Variants in SOCS5 observed in about 807,000 individuals in gnomAD.
The protein encoded by SOCS5 is CIS-6.
SOCS5 carries 32 observed loss-of-function variants against 42.8 expected under a neutral mutation model. That is an observed-to-expected ratio of 0.75 (90% CI 0.56 to 1.01). The LOEUF is 1.01. Ranked by LOEUF, SOCS5 falls within the 50% of genes least tolerant of loss-of-function variation. The pLI, the probability that SOCS5 is intolerant of heterozygous loss-of-function variation, is 0.00. For missense variants in SOCS5, 627 were observed against 653.0 expected (o/e 0.96, Z 0.43); for synonymous variants, 283 against 229.6 (o/e 1.23, Z -2.10).
chr2:46,709,554 G>A (rs1004472890), intron 1 of SOCS5, among the ~76,000 whole-genome samples: 10 of 152,160 alleles, frequency 6.6e-5, no homozygotes, highest in African/African-American at 2.2e-4. Context: ...AACACTATTA[G>A]GAGTTGGGAA....
intron 1 of SOCS5, among the ~76,000 whole-genome samples, chr2:46,727,998 G>A (rs1288054018): frequency 6.6e-6 from 1 of 152,160 alleles, no homozygotes; most frequent in Non-Finnish European, 1.5e-5. Context: ...TTCTGGGATA[G>A]TGGAGGAATG....
intron 1 of SOCS5, among the ~76,000 whole-genome samples, chr2:46,708,880 CTTTTTTTTTT>C (rs145238668): frequency 1.6e-5 from 1 of 63,252 alleles, no homozygotes; most frequent in Non-Finnish European, 2.8e-5. Flanking sequence ...ATCCTGAAGC[CTTTTTTTTTT>C]TTTTTTTTTT....
chr2:46,700,090 G>T (rs1339527501), intron 1 of SOCS5, among the ~76,000 whole-genome samples: 1 of 152,182 alleles, frequency 6.6e-6, no homozygotes, highest in African/African-American at 2.4e-5. Context: ...TCTTTGATGT[G>T]GGGTTTGGGC....
chr2:46,742,381 C>T (rs1193973819), intron 1 of SOCS5, among the ~76,000 whole-genome samples: 1 of 135,652 alleles, frequency 7.4e-6, no homozygotes, highest in Non-Finnish European at 1.5e-5. Flanking sequence ...GGTCTGTAGA[C>T]GCACACCACT....
Position 46,760,777 on chromosome 2 carries a change from C to T in SOCS5, c.*636C>T, listed in dbSNP as rs930347120. 2 of 167,078 alleles carry T rather than the reference C, an allele frequency of 1.2e-5. No individual in the cohort carries two copies. The highest frequency in any genetic ancestry group is 4.1e-4 in the South Asian group (2 of 4,834). 10.3% of individuals were successfully genotyped at this position (167,078 alleles called of 1,614,324 possible). On this transcript the variant is annotated 3_prime_UTR_variant, in exon 2 of 2. Transcript: ENST00000394861. ...AGGCATTCTTAAAATTTCAGACTTACAAAGCTAGTAGTAGAATTTTATTGA... is the reference window on the plus strand; with the variant it reads ...AGGCATTCTTAAAATTTCAGACTTATAAAGCTAGTAGTAGAATTTTATTGA...
rs938634357 is a variant in SOCS5 at position 46,751,410 on chromosome 2, C to T, written c.-12-7109C>T. ...GACATAGTTTACTTAAAAAAAAATA[C>T]ACTTTATAAGAAATAAAAAGGAATG... On this transcript the variant is annotated intron_variant, in intron 1 of 1. Transcript: ENST00000394861. Among the ~76,000 whole-genome samples the T allele has an allele frequency of 2.9e-4, 44 of 151,738 alleles. 2 individuals are homozygous for T. The highest frequency in any genetic ancestry group is 2.9e-3 in the Admixed American group (44 of 15,226).
intron 1 of SOCS5, among the ~76,000 whole-genome samples, 199 bp from the exon 2 acceptor site, chr2:46,758,320 G>T (rs1673773116): frequency 6.6e-6 from 1 of 152,168 alleles, no homozygotes; most frequent in African/African-American, 2.4e-5. Flanking sequence ...CTTGAACAAG[G>T]TCAGTGCCTA....
At chr2:46,730,836 G>A (rs977666827) in intron 1 of SOCS5, among the ~76,000 whole-genome samples, 2 of 152,112 alleles carry the variant, frequency 1.3e-5, no homozygotes, top group African/African-American at 4.8e-5. Context: ...GGATTAGTAG[G>A]TATATTCAGA....
At chr2:46,722,227 G>A (rs532602203) in intron 1 of SOCS5, among the ~76,000 whole-genome samples, 1 of 152,030 alleles carries the variant, frequency 6.6e-6, no homozygotes, top group Non-Finnish European at 1.5e-5. Context: ...ATCTTTGTAA[G>A]TAATTTTTTA....
intron 1 of SOCS5, among the ~76,000 whole-genome samples, chr2:46,705,413 A>G (rs1202092969): frequency 2.0e-5 from 3 of 152,176 alleles, no homozygotes; most frequent in Admixed American, 1.3e-4. Context: ...TTTAGAATTG[A>G]TTGCTTGCTT....
At chr2:46,750,917 T>G (rs6730949) in intron 1 of SOCS5, among the ~76,000 whole-genome samples, 1 of 152,012 alleles carries the variant, frequency 6.6e-6, no homozygotes, top group African/African-American at 2.4e-5. Flanking sequence ...TCTTTTTATG[T>G]TCTCCAATAA....
chr2:46,752,935 T>C (rs564776038), intron 1 of SOCS5, among the ~76,000 whole-genome samples: 3 of 152,308 alleles, frequency 2.0e-5, no homozygotes, highest in Admixed American at 2.0e-4. Flanking sequence ...ATCCTATAGA[T>C]TTGACATCTG....
intron 1 of SOCS5, among the ~76,000 whole-genome samples, chr2:46,724,188 T>C (rs1446727561): frequency 1.3e-5 from 2 of 151,998 alleles, no homozygotes; most frequent in Middle Eastern, 3.4e-3. Flanking sequence ...TAAATATGTC[T>C]GCAAATGGAG....
rs771882542 is a variant in SOCS5 at position 46,758,902 on chromosome 2, A to G, written c.372A>G (p.Lys124=). The change falls in exon 2 of 2, where the codon AAA becomes AAG. Residue 124 remains lysine (K), a synonymous_variant. Transcript: ENST00000394861. ...GACATGCTCCATGGGGTGGGAAGAA[A>G]AAACATTCCTGTTCTACAAAGACCC... ...YSRHAPWGGK[K]KHSCSTKTQS... 1 of 1,614,076 alleles carries G rather than the reference A, an allele frequency of 6.2e-7. No homozygotes were observed. The highest frequency in any genetic ancestry group is 8.5e-7 in the Non-Finnish European group (1 of 1,179,928).
At chr2:46,728,905 A>T (rs1281429516) in intron 1 of SOCS5, among the ~76,000 whole-genome samples, 3 of 152,180 alleles carry the variant, frequency 2.0e-5, no homozygotes, top group Non-Finnish European at 4.4e-5. Context: ...CCTCTAAGCC[A>T]GTGGTTCTCA....
At chr2:46,708,640 A>G (rs545621337) in intron 1 of SOCS5, among the ~76,000 whole-genome samples, 2 of 152,310 alleles carry the variant, frequency 1.3e-5, no homozygotes, top group South Asian at 2.1e-4. Context: ...AAACTCTGTT[A>G]CAAAAAATGT....
At chr2:46,713,545 T>C (rs1339998677) in intron 1 of SOCS5, among the ~76,000 whole-genome samples, 3 of 152,172 alleles carry the variant, frequency 2.0e-5, no homozygotes, top group African/African-American at 7.2e-5. Flanking sequence ...TCTTTTTCCT[T>C]TTTTCCCCTT....
intron 1 of SOCS5, among the ~76,000 whole-genome samples, chr2:46,719,285 G>A (rs1335842858): frequency 6.6e-6 from 1 of 152,118 alleles, no homozygotes; most frequent in Non-Finnish European, 1.5e-5. Flanking sequence ...GCTTTGTTGA[G>A]CTTTATAACT....
intron 1 of SOCS5, among the ~76,000 whole-genome samples, chr2:46,708,367 T>A (rs189769271): frequency 6.6e-6 from 1 of 152,262 alleles, no homozygotes; most frequent in African/African-American, 2.4e-5. Context: ...GAATACTGAG[T>A]TTAATTTCAG....
Sources: allele counts gnomAD v4.1 joint callset (sites outside exome capture counted in the v4.1 genomes callset), GRCh38; gene constraint gnomAD v4.1.1; transcripts MANE v1.5; gene names NCBI Gene and HGNC (gene_info 2026-07-23, HGNC 2026-07-21).